Variants in ZC3H12B observed in about 807,000 individuals in gnomAD.
The protein encoded by ZC3H12B is probable ribonuclease ZC3H12B.
In ZC3H12B, 7 loss-of-function variants were observed where a neutral mutation model predicts 43.9. The observed-to-expected ratio is 0.16, with a 90% confidence interval of 0.09 to 0.30. ZC3H12B has a LOEUF of 0.30. Among genes scored for constraint, ZC3H12B ranks in the 10% least tolerant of loss-of-function variants. ZC3H12B has a pLI of 1.00. For synonymous variants in ZC3H12B, 222 were observed against 241.7 expected, an observed-to-expected ratio of 0.92 and a Z score of 0.76; for missense variants, 475 against 670.2, an observed-to-expected ratio of 0.71 and a Z score of 3.22.
At chrX:65,205,937 A>G in the ZC3H12B span, among the ~76,000 whole-genome samples, 1 of 111,867 alleles carries the variant, frequency 8.9e-6, no homozygotes, top group African/African-American at 3.2e-5. Flanking sequence ...AAAAAAAGTA[A>G]AATACTTAGG....
At chrX:65,242,550 C>T in the ZC3H12B span, among the ~76,000 whole-genome samples, 2 of 111,926 alleles carry the variant, frequency 1.8e-5, no homozygotes, top group East Asian at 5.6e-4. Flanking sequence ...TTAATATGTC[C>T]ATACCATCCA....
intron 2 of ZC3H12B, among the ~76,000 whole-genome samples, chrX:65,394,801 C>T: frequency 8.9e-6 from 1 of 111,888 alleles, no homozygotes; most frequent in Middle Eastern, 4.6e-3. Flanking sequence ...GAGAGTATGG[C>T]CATTTTCAAG....
At chrX:65,161,212 T>C in the ZC3H12B span, among the ~76,000 whole-genome samples, 59 of 111,420 alleles carry the variant, frequency 5.3e-4, no homozygotes, top group African/African-American at 1.9e-3. Flanking sequence ...AGGTATGGTG[T>C]GATGCTGAAA....
chrX:65,285,596 CCAA>C, the ZC3H12B span, among the ~76,000 whole-genome samples: 1 of 111,000 alleles, frequency 9.0e-6, no homozygotes, highest in East Asian at 2.8e-4. Flanking sequence ...ATACTGCCAC[CCAA>C]CAACAAAATT....
the ZC3H12B span, among the ~76,000 whole-genome samples, chrX:65,052,416 G>A: frequency 5.7e-3 from 629 of 110,150 alleles, 5 homozygotes; most frequent in African/African-American, 0.012. Context: ...GGTCTTCTTC[G>A]TTCTTTTTAT....
chrX:65,230,750 C>G, the ZC3H12B span, among the ~76,000 whole-genome samples: 1 of 110,894 alleles, frequency 9.0e-6, no homozygotes, highest in South Asian at 3.8e-4. Flanking sequence ...GGATTTGTAT[C>G]AACATCAGAC....
chrX:65,098,356 T>A, the ZC3H12B span, among the ~76,000 whole-genome samples: 1 of 110,206 alleles, frequency 9.1e-6, no homozygotes, highest in African/African-American at 3.3e-5. Flanking sequence ...CAGAAAGTTA[T>A]TATAAGGAAT....
chrX:65,412,003 T>C (rs73518255), intron 3 of ZC3H12B, among the ~76,000 whole-genome samples: 9,189 of 111,030 alleles, frequency 0.083, 1,022 homozygotes, highest in African/African-American at 0.29. Context: ...GAAATCTAGA[T>C]AATATAAAGT....
At chrX:65,500,342 A>G (rs1168835232) in intron 4 of ZC3H12B, among the ~76,000 whole-genome samples, 1 of 112,531 alleles carries the variant, frequency 8.9e-6, no homozygotes, top group Non-Finnish European at 1.9e-5. Context: ...TGGCCCCAAG[A>G]TGAACATGTG....
chrX:65,157,765 CTTT>C, the ZC3H12B span, among the ~76,000 whole-genome samples: 2 of 107,392 alleles, frequency 1.9e-5, no homozygotes, highest in South Asian at 7.9e-4. Flanking sequence ...TTTCCCTTTT[CTTT>C]TTTTTATTTT....
At chrX:65,156,653 T>C in the ZC3H12B span, among the ~76,000 whole-genome samples, 937 of 111,125 alleles carry the variant, frequency 8.4e-3, 36 homozygotes, top group Admixed American at 0.075. Flanking sequence ...AGTGCTGGGA[T>C]TACAGGCATG....
chrX:65,142,432 G>T, the ZC3H12B span, among the ~76,000 whole-genome samples: 2 of 112,057 alleles, frequency 1.8e-5, no homozygotes, highest in African/African-American at 6.5e-5. Context: ...GATTGTTAAA[G>T]AATTTTTCCC....
chrX:65,354,911 G>A, the ZC3H12B span, among the ~76,000 whole-genome samples: 3 of 111,116 alleles, frequency 2.7e-5, no homozygotes, highest in Non-Finnish European at 5.7e-5. Flanking sequence ...CAAGATTAGA[G>A]AAAAAAAATG....
chrX:65,101,165 A>G, the ZC3H12B span, among the ~76,000 whole-genome samples: 1 of 112,150 alleles, frequency 8.9e-6, no homozygotes, highest in African/African-American at 3.2e-5. Flanking sequence ...TAATGAAATT[A>G]ACGCAGAAAT....
the ZC3H12B span, among the ~76,000 whole-genome samples, chrX:65,122,982 A>C: frequency 8.9e-6 from 1 of 112,001 alleles, no homozygotes; most frequent in Non-Finnish European, 1.9e-5. Context: ...TCAACAAGAC[A>C]GAAAGTTAAC....
the ZC3H12B span, among the ~76,000 whole-genome samples, chrX:65,086,470 G>C: frequency 9.0e-6 from 1 of 111,092 alleles, no homozygotes; most frequent in African/African-American, 3.3e-5. Context: ...TCACTGCTGT[G>C]GTCTGAATGT....
chrX:65,392,198 A>T (rs1406444957), intron 2 of ZC3H12B, among the ~76,000 whole-genome samples: 3 of 110,219 alleles, frequency 2.7e-5, no homozygotes, highest in African/African-American at 9.9e-5. Context: ...CCGTCTAGGA[A>T]GTGAGGAGCG....
rs1403792321 is a variant in ZC3H12B at position 65,400,977 on chromosome X, A to G, written n.407+2273A>G. Among the ~76,000 whole-genome samples the G allele has an allele frequency of 2.7e-5, 3 of 110,688 alleles. No individual in the cohort carries two copies. In the Admixed American group the frequency reaches 2.9e-4, roughly 11 times the overall value. ...CAGCTGCAAACATATTTTCCAAGGA[A>G]ACAATATTACAAAAGGCATTTTCAG... On this transcript the variant is annotated intron_variant and non_coding_transcript_variant, in intron 3 of 5. Coordinates refer to the ZC3H12B transcript ENST00000617377.
At chrX:65,406,012 A>C (rs1172023647) in intron 3 of ZC3H12B, among the ~76,000 whole-genome samples, 2 of 111,907 alleles carry the variant, frequency 1.8e-5, no homozygotes, top group Non-Finnish European at 3.8e-5. Flanking sequence ...GAAGTCTCTT[A>C]GTAAAGAAAA....
Sources: allele counts gnomAD v4.1 joint callset (sites outside exome capture counted in the v4.1 genomes callset), GRCh38; gene constraint gnomAD v4.1.1; transcripts MANE v1.5; gene names NCBI Gene and HGNC (gene_info 2026-07-23, HGNC 2026-07-21).